The following HOMER1 variants were observed in gnomAD, a reference collection of about 807,000 sequenced individuals.
The protein encoded by HOMER1 is homer scaffold protein 1.
Under a neutral mutation model 48.9 loss-of-function variants are expected in HOMER1, and 3 were observed. The ratio of observed to expected loss-of-function variants is 0.06; its 90% CI spans 0.03 to 0.16. The LOEUF (loss-of-function observed/expected upper bound fraction) is 0.16, where lower values mean the gene tolerates loss of function less well. Ranked by LOEUF, HOMER1 falls within the 10% of genes least tolerant of loss-of-function variation. The probability of loss-of-function intolerance (pLI) is 1.00; values close to 1 mark genes in which losing one functional copy is unlikely to be tolerated. For missense variants in HOMER1, 247 were observed against 411.4 expected, an observed-to-expected ratio of 0.60 and a Z score of 3.46; for synonymous variants, 134 against 146.4, an observed-to-expected ratio of 0.92 and a Z score of 0.61.
At chr5:79,464,983 T>C (rs1470822397) in intron 1 of HOMER1, among the ~76,000 whole-genome samples, 1 of 152,106 alleles carries the variant, frequency 6.6e-6, no homozygotes, top group Non-Finnish European at 1.5e-5. Context: ...AAATACAAAA[T>C]TGTAAAGTAA....
intron 1 of HOMER1, among the ~76,000 whole-genome samples, chr5:79,498,701 T>C (rs1328933909): frequency 6.6e-6 from 1 of 152,110 alleles, no homozygotes; most frequent in Non-Finnish European, 1.5e-5. Flanking sequence ...TTCCAAAAAA[T>C]AATTTTAAAT....
intron 1 of HOMER1, among the ~76,000 whole-genome samples, chr5:79,461,587 A>T (rs1258263686): frequency 6.6e-6 from 1 of 152,198 alleles, no homozygotes; most frequent in Non-Finnish European, 1.5e-5. Flanking sequence ...TCTAACACCA[A>T]ATAATCCAGC....
chr5:79,479,631 T>C (rs1561380174), intron 1 of HOMER1, among the ~76,000 whole-genome samples: 1 of 152,206 alleles, frequency 6.6e-6, no homozygotes, highest in Non-Finnish European at 1.5e-5. Flanking sequence ...TCAGCCCAGT[T>C]AAACTGCTTT....
chr5:79,444,167 C>T (rs905557600), intron 4 of HOMER1, among the ~76,000 whole-genome samples: 13 of 152,276 alleles, frequency 8.5e-5, no homozygotes, highest in African/African-American at 3.1e-4. Context: ...TTGGGTTAAA[C>T]CACTGAGAAT....
chr5:79,413,562 G>T (rs1355505711), intron 5 of HOMER1, among the ~76,000 whole-genome samples: 1 of 151,884 alleles, frequency 6.6e-6, no homozygotes, highest in African/African-American at 2.4e-5. Flanking sequence ...TGCCCAACAG[G>T]TAAATTTTCA....
chr5:79,438,968 T>G, intron 5 of HOMER1, 42 bp downstream of exon 5: 1 of 1,569,102 alleles, frequency 6.4e-7, no homozygotes, highest in Non-Finnish European at 8.8e-7. Context: ...ATTTCCATAT[T>G]TACACATTTA....
chr5:79,452,717 C>T (rs545030666), intron 2 of HOMER1, among the ~76,000 whole-genome samples: 1 of 152,140 alleles, frequency 6.6e-6, no homozygotes, highest in Non-Finnish European at 1.5e-5. Context: ...AGAGTGGTCC[C>T]TTCCTTTCTC....
intron 1 of HOMER1, among the ~76,000 whole-genome samples, chr5:79,500,963 G>GACAGACAC (rs1426979946): frequency 5.9e-5 from 6 of 101,602 alleles, no homozygotes; most frequent in African/African-American, 1.7e-4. Context: ...GAGACAGACA[G>GACAGACAC]ACACACACAC....
intron 5 of HOMER1, among the ~76,000 whole-genome samples, chr5:79,403,985 T>C (rs1356883786): frequency 2.6e-5 from 4 of 152,200 alleles, no homozygotes; most frequent in African/African-American, 7.2e-5. Flanking sequence ...TGAAATGATT[T>C]TTCAGATTCA....
intron 1 of HOMER1, among the ~76,000 whole-genome samples, chr5:79,501,296 C>T (rs1282010355): frequency 6.6e-6 from 1 of 152,142 alleles, no homozygotes; most frequent in Non-Finnish European, 1.5e-5. Flanking sequence ...ACTTTCTTTT[C>T]TTTAGCTTAC....
At chr5:79,510,835 C>T (rs1752920973) in intron 1 of HOMER1, 1 of 725,088 alleles carries the variant, frequency 1.4e-6, no homozygotes. Flanking sequence ...GGCTGCAGCT[C>T]CAGCTTCAGT....
At chr5:79,377,667 G>C (rs1349726402) in intron 8 of HOMER1, among the ~76,000 whole-genome samples, 1 of 152,046 alleles carries the variant, frequency 6.6e-6, no homozygotes, top group Non-Finnish European at 1.5e-5. Context: ...AAGGACAGTG[G>C]AAATTTTAAA....
chr5:79,438,988 A>G (rs373927850), intron 5 of HOMER1, 22 bp downstream of exon 5: 2 of 1,606,052 alleles, frequency 1.2e-6, no homozygotes, highest in Non-Finnish European at 1.7e-6. Flanking sequence ...ACTTAATCAT[A>G]ATTGCTGAAT....
intron 8 of HOMER1, among the ~76,000 whole-genome samples, chr5:79,394,048 T>C (rs976404343): frequency 2.0e-5 from 3 of 152,198 alleles, no homozygotes; most frequent in African/African-American, 7.2e-5. Flanking sequence ...TTTGAAATTT[T>C]TCTAATTTTT....
At chr5:79,392,952 AGGG>A (rs1749288529) in intron 8 of HOMER1, among the ~76,000 whole-genome samples, 2 of 77,636 alleles carry the variant, frequency 2.6e-5, no homozygotes, top group Non-Finnish European at 5.2e-5. Context: ...AAGAAGGGAA[AGGG>A]AGAGAGAGAG....
chr5:79,480,694 T>A (rs4703776), intron 1 of HOMER1, among the ~76,000 whole-genome samples: 91,777 of 152,114 alleles, frequency 0.6, 30,217 homozygotes, highest in East Asian at 0.99. Flanking sequence ...CCTTCTAAAA[T>A]CTGAGAATTT....
Position 79,388,599 on chromosome 5 carries a change from A to G in HOMER1, c.876+8224T>C, listed in dbSNP as rs529934414. 7.2e-5 allele frequency among the ~76,000 whole-genome samples: 11 copies of G among 152,298 alleles called. No individual in the cohort carries two copies. In the East Asian group the frequency reaches 2.1e-3, roughly 29 times the overall value. On this transcript the variant is annotated intron_variant, in intron 8 of 8. Transcript: ENST00000334082. ...ATTTAAAAACAAGTTTGAATTATATATTGAAAAACTTAGAATAGAAATAGG... is the reference window on the plus strand; with the variant it reads ...ATTTAAAAACAAGTTTGAATTATATGTTGAAAAACTTAGAATAGAAATAGG...
At chr5:79,416,406 TA>T (rs551287649) in intron 5 of HOMER1, among the ~76,000 whole-genome samples, 31 of 152,332 alleles carry the variant, frequency 2.0e-4, no homozygotes, top group African/African-American at 7.2e-4. Context: ...GTGTACTCCA[TA>T]AAAACACTCT....
intron 1 of HOMER1, among the ~76,000 whole-genome samples, chr5:79,500,995 A>ACACACACACACACACACACACAC (rs1460147206): frequency 1.6e-5 from 2 of 124,132 alleles, no homozygotes; most frequent in African/African-American, 7.4e-5. Flanking sequence ...CACACACACA[A>ACACACACACACACACACACACAC]GGTCTGGCTC....
Sources: allele counts gnomAD v4.1 joint callset (sites outside exome capture counted in the v4.1 genomes callset), GRCh38; gene constraint gnomAD v4.1.1; transcripts MANE v1.5; gene names NCBI Gene and HGNC (gene_info 2026-07-23, HGNC 2026-07-21).